The following TLE4 variants were observed in gnomAD, a reference collection of about 807,000 sequenced individuals.
TLE4 encodes transducin-like enhancer protein 4.
Under a neutral mutation model 92.8 loss-of-function variants are expected in TLE4, and 8 were observed. The ratio of observed to expected loss-of-function variants is 0.09; its 90% confidence interval spans 0.05 to 0.16. TLE4 has a LOEUF of 0.16. Ranked by LOEUF, TLE4 falls within the 10% of genes least tolerant of loss-of-function variation. The pLI is 1.00. For synonymous variants in TLE4, 371 were observed against 374.1 expected (o/e 0.99, Z 0.10); for missense variants, 675 against 997.6 (o/e 0.68, Z 4.36).
At chr9:79,586,674 C>G (rs891268382) in intron 4 of TLE4, among the ~76,000 whole-genome samples, 4 of 152,152 alleles carry the variant, frequency 2.6e-5, no homozygotes, top group Non-Finnish European at 5.9e-5. Context: ...ATGACTTAAT[C>G]ATAAGTAGAA....
chr9:79,590,537 A>T (rs189627071), intron 4 of TLE4, among the ~76,000 whole-genome samples: 2 of 152,234 alleles, frequency 1.3e-5, no homozygotes, highest in African/African-American at 2.4e-5. Flanking sequence ...CTTTTGTAAT[A>T]TGGGAGCTCA....
rs2076380970 is a variant in TLE4, at chr9:79,726,434, T to G, written c.*1290T>G. 6.6e-6 allele frequency: 1 copy of G among 152,668 alleles called. No homozygotes were observed. Among genetic ancestry groups the G allele is most frequent in the Non-Finnish European group, 1.5e-5 (1 of 68,048 alleles). The allele number at this position is 152,668 out of a possible 1,614,324, so 9.5% of individuals were successfully genotyped here. ...ATGGATCAAAATCAAAAGAACCGTG[T>G]AGATATACTTTATTGTATAAGTAGA... On this transcript the variant is annotated 3_prime_UTR_variant, in exon 20 of 20. Transcript: ENST00000376552.
At chr9:79,708,479 A>G in intron 12 of TLE4, 114 bp from the exon 13 acceptor site, 1 of 1,176,760 alleles carries the variant, frequency 8.5e-7, no homozygotes, top group Non-Finnish European at 1.2e-6. Flanking sequence ...GACTTTTGAG[A>G]ATATTAAAAT....
chr9:79,702,803 C>T (rs756599544), intron 8 of TLE4, among the ~76,000 whole-genome samples: 1 of 152,174 alleles, frequency 6.6e-6, no homozygotes, highest in Non-Finnish European at 1.5e-5. Flanking sequence ...CCCACCTGCA[C>T]ATCTTTGGAG....
At chr9:79,601,247 G>T (rs570318562) in intron 4 of TLE4, among the ~76,000 whole-genome samples, 1 of 152,284 alleles carries the variant, frequency 6.6e-6, no homozygotes, top group Non-Finnish European at 1.5e-5. Context: ...CTTTTGAATA[G>T]CATGGTATCC....
intron 4 of TLE4, among the ~76,000 whole-genome samples, chr9:79,596,109 G>A (rs1342959639): frequency 6.6e-6 from 1 of 152,122 alleles, no homozygotes; most frequent in African/African-American, 2.4e-5. Flanking sequence ...GCCTCCCAAA[G>A]TGCTGGGATT....
At chr9:79,593,270 A>G (rs1267931167) in intron 4 of TLE4, among the ~76,000 whole-genome samples, 1 of 152,202 alleles carries the variant, frequency 6.6e-6, no homozygotes, top group African/African-American at 2.4e-5. Context: ...ACTGTCAGAA[A>G]CATACGTTGC....
chr9:79,574,857 C>A lies in TLE4; in HGVS notation c.144-16C>A, dbSNP rs146585022. 4.9e-4 allele frequency: 795 copies of A among 1,609,100 alleles called. 2 individuals carry two copies. The African/African-American group carries it at 8.3e-3, about 17-fold the overall frequency. On this transcript the variant is annotated splice_polypyrimidine_tract_variant and intron_variant, in intron 2 of 19. Transcript: ENST00000376552. ...GTTAAGATCATTGTACTTAGAGTAT[C>A]TTATGTCTTGAACAGTCTGAAGCTG...
intron 8 of TLE4, among the ~76,000 whole-genome samples, chr9:79,689,671 C>T (rs982455214): frequency 1.2e-4 from 18 of 152,150 alleles, no homozygotes; most frequent in Admixed American, 8.5e-4. Context: ...TTCATCCTGA[C>T]GTGACTGGCT....
intron 8 of TLE4, among the ~76,000 whole-genome samples, chr9:79,683,436 C>G (rs1464724709): frequency 6.6e-6 from 1 of 152,100 alleles, no homozygotes; most frequent in Non-Finnish European, 1.5e-5. Context: ...TGGAGAGAAC[C>G]AGTTAAAGAG....
intron 6 of TLE4, among the ~76,000 whole-genome samples, chr9:79,647,282 T>C (rs1032137573): frequency 1.3e-5 from 2 of 152,190 alleles, no homozygotes; most frequent in Non-Finnish European, 2.9e-5. Context: ...CTTAACTCAT[T>C]AAAAGCTTTG....
At chr9:79,655,733 T>A (rs1475126253) in intron 8 of TLE4, among the ~76,000 whole-genome samples, 1 of 152,234 alleles carries the variant, frequency 6.6e-6, no homozygotes, top group Non-Finnish European at 1.5e-5. Flanking sequence ...TGGCTAGGAT[T>A]AACTGATACC....
intron 1 of TLE4, among the ~76,000 whole-genome samples, 195 bp downstream of exon 1, chr9:79,573,030 G>A (rs2036293017): frequency 6.6e-6 from 1 of 152,036 alleles, no homozygotes; most frequent in Non-Finnish European, 1.5e-5. Context: ...GTGCGGAGAG[G>A]CAATTGAGTT....
At position 79,625,878 on chromosome 9, in the gene TLE4, A is replaced by AT. The variant is rs534617704; in HGVS notation, c.316-1493dup. ...GACATATCTATAAATAGACTTTTATATTTATATAAAATAAATAAATATATA... is the reference window on the plus strand; with the variant it reads ...GACATATCTATAAATAGACTTTTATATTTTATATAAAATAAATAAATATATA... On this transcript the variant is annotated intron_variant, in intron 5 of 19. Coordinates refer to ENST00000376552, the MANE Select transcript of TLE4 (RefSeq NM_007005.6). 6.9e-3 allele frequency among the ~76,000 whole-genome samples: 1,028 copies of AT among 149,720 alleles called. 13 individuals carry two copies. Among genetic ancestry groups the AT allele is most frequent in the African/African-American group, 0.023 (946 of 41,200 alleles).
chr9:79,581,610 A>G (rs940398812), intron 4 of TLE4, among the ~76,000 whole-genome samples: 8 of 152,236 alleles, frequency 5.3e-5, no homozygotes, highest in Admixed American at 1.3e-4. Context: ...TAGTTCTCAT[A>G]ATGATCCTAA....
chr9:79,573,186 A>G (rs2036382601), intron 1 of TLE4: 1 of 958,074 alleles, frequency 1.0e-6, no homozygotes, highest in African/African-American at 1.7e-5. Flanking sequence ...CGCCCTCGGC[A>G]GCGGCGCTGC....
chr9:79,582,049 T>C lies in TLE4; in HGVS notation c.252+5872T>C, dbSNP rs190105381. Among the ~76,000 whole-genome samples, 4 of 152,294 alleles carry C rather than the reference T, an allele frequency of 2.6e-5. No individual in the cohort carries two copies. The East Asian group carries it at 7.7e-4, about 29-fold the overall frequency. On this transcript the variant is annotated intron_variant, in intron 4 of 19. Transcript: ENST00000376552. ...TTACAAACTTGTTCTTCTCTTTAAC[T>C]TTTATCTTTTCCTGTGGCTTATGAG... is the stretch of plus-strand genomic sequence containing the variant.
rs1200345060 is a variant in TLE4 at position 79,725,931 on chromosome 9, C to CA, written c.*790dup. 3.9e-5 allele frequency: 6 copies of CA among 152,534 alleles called. No individual in the cohort carries two copies. The highest frequency in any genetic ancestry group is 3.3e-4 in the Admixed American group (5 of 15,286). The allele number at this position is 152,534 out of a possible 1,614,324, so 9.4% of individuals were successfully genotyped here. ...CAGATGAACAAATTAAATTTGGCCT[C>CA]AAAGAGAGAACTTACTCCCTTCTGG... On this transcript the variant is annotated 3_prime_UTR_variant, in exon 20 of 20. Coordinates refer to ENST00000376552, the MANE Select transcript of TLE4 (RefSeq NM_007005.6).
intron 1 of TLE4, 115 bp downstream of exon 1, chr9:79,572,950 CGGCGCCCCGCGCCGGGAGCAGCCCGCCCG>C: frequency 8.8e-7 from 1 of 1,137,412 alleles, no homozygotes; most frequent in Middle Eastern, 2.4e-4. Flanking sequence ...CGCCCGAAAT[CGGCGCCCCGCGCCGGGAGCAGCCCGCCCG>C]CCATCACCCC....
Sources: allele counts gnomAD v4.1 joint callset (sites outside exome capture counted in the v4.1 genomes callset), GRCh38; gene constraint gnomAD v4.1.1; transcripts MANE v1.5; gene names NCBI Gene and HGNC (gene_info 2026-07-23, HGNC 2026-07-21).